The following SPAG16 variants were observed in gnomAD, a reference collection of about 807,000 sequenced individuals.
SPAG16 encodes the protein sperm associated antigen 16, also known as sperm-associated antigen 16 protein.
In SPAG16, 86 loss-of-function variants were observed where a neutral mutation model predicts 80.4. The observed-to-expected ratio is 1.07, with a 90% confidence interval of 0.90 to 1.28. SPAG16 has a LOEUF of 1.28. Among genes scored for constraint, SPAG16 ranks in the 50% most tolerant of loss-of-function variants. SPAG16 has a pLI of 0.00. For missense variants in SPAG16, 870 were observed against 765.3 expected (o/e 1.14, Z -1.61); for synonymous variants, 294 against 265.9 (o/e 1.11, Z -1.03).
At chr2:213,620,281 GTTTTTTTTTTTTT>G (rs36059669) in intron 10 of SPAG16, among the ~76,000 whole-genome samples, 14 of 82,802 alleles carry the variant, frequency 1.7e-4, no homozygotes, top group East Asian at 3.7e-4. Context: ...AATTTATTGA[GTTTTTTTTTTTTT>G]TTTTTTTTTT....
chr2:214,083,150 T>C (rs2051495286), intron 13 of SPAG16, among the ~76,000 whole-genome samples: 1 of 152,200 alleles, frequency 6.6e-6, no homozygotes, highest in African/African-American at 2.4e-5. Context: ...AAGGAGGGTT[T>C]ATTCTGAATT....
intron 10 of SPAG16, among the ~76,000 whole-genome samples, chr2:213,824,051 A>G (rs979991785): frequency 2.6e-5 from 4 of 152,152 alleles, no homozygotes; most frequent in Non-Finnish European, 5.9e-5. Flanking sequence ...TTTGGGTTTT[A>G]CATATAAGTC....
At chr2:214,332,229 T>G (rs1042052363) in intron 15 of SPAG16, among the ~76,000 whole-genome samples, 1 of 152,192 alleles carries the variant, frequency 6.6e-6, no homozygotes, top group African/African-American at 2.4e-5. Flanking sequence ...TCCAGCCTGG[T>G]CAACAGAGTG....
chr2:213,540,345 C>T (rs1022388541), intron 10 of SPAG16, among the ~76,000 whole-genome samples: 3 of 152,082 alleles, frequency 2.0e-5, no homozygotes, highest in African/African-American at 4.8e-5. Context: ...CCACCATGCC[C>T]GGCCCAAAAA....
At chr2:214,024,220 A>G (rs907038944) in intron 13 of SPAG16, among the ~76,000 whole-genome samples, 1 of 151,768 alleles carries the variant, frequency 6.6e-6, no homozygotes, top group East Asian at 1.9e-4. Context: ...AAAAGAAAAT[A>G]CCAGATACAA....
At chr2:214,311,695 C>CA (rs1695335261) in intron 15 of SPAG16, 1 of 152,186 alleles carries the variant, frequency 6.6e-6, no homozygotes, top group Non-Finnish European at 1.5e-5. Context: ...CCACTTGGGT[C>CA]ATGATTATTC....
intron 15 of SPAG16, among the ~76,000 whole-genome samples, chr2:214,188,928 C>A (rs767568414): frequency 6.6e-6 from 1 of 152,030 alleles, no homozygotes; most frequent in Non-Finnish European, 1.5e-5. Flanking sequence ...CAAGGTGTGT[C>A]AGTCTGGGTG....
At chr2:214,312,930 G>T (rs1483944533) in intron 15 of SPAG16, among the ~76,000 whole-genome samples, 2 of 151,880 alleles carry the variant, frequency 1.3e-5, no homozygotes, top group African/African-American at 4.8e-5. Flanking sequence ...TCAAGTTAGG[G>T]TTATCACTGT....
intron 10 of SPAG16, among the ~76,000 whole-genome samples, chr2:213,674,447 A>C (rs1405717474): frequency 6.6e-6 from 1 of 151,482 alleles, no homozygotes; most frequent in African/African-American, 2.4e-5. Context: ...GGTTAGGTAC[A>C]TATGTATACC....
intron 15 of SPAG16, among the ~76,000 whole-genome samples, chr2:214,322,111 C>T (rs1038886272): frequency 6.6e-6 from 1 of 152,180 alleles, no homozygotes; most frequent in Non-Finnish European, 1.5e-5. Flanking sequence ...GGACATATTT[C>T]TATCCATGCT....
chr2:213,626,867 C>T (rs7569223), intron 10 of SPAG16, among the ~76,000 whole-genome samples: 9,279 of 151,990 alleles, frequency 0.061, 930 homozygotes, highest in African/African-American at 0.21. Flanking sequence ...AGGCTGGTCT[C>T]GAACTCCTGA....
intron 10 of SPAG16, among the ~76,000 whole-genome samples, chr2:213,837,724 A>C (rs1447564153): frequency 1.3e-5 from 2 of 152,196 alleles, no homozygotes; most frequent in Non-Finnish European, 2.9e-5. Context: ...CACTTGGTAG[A>C]TGCGATTAAG....
intron 10 of SPAG16, among the ~76,000 whole-genome samples, chr2:213,854,858 G>T (rs2075076299): frequency 6.6e-6 from 1 of 152,242 alleles, no homozygotes; most frequent in Non-Finnish European, 1.5e-5. Flanking sequence ...TGGCCCACAG[G>T]CCAAACCTAG....
chr2:214,054,685 T>A (rs1243237652), intron 13 of SPAG16, among the ~76,000 whole-genome samples: 3 of 152,172 alleles, frequency 2.0e-5, no homozygotes, highest in Non-Finnish European at 4.4e-5. Context: ...AGAATCCATA[T>A]CTCTAAATCA....
intron 3 of SPAG16, among the ~76,000 whole-genome samples, chr2:213,299,880 T>C (rs563405195): frequency 6.6e-6 from 1 of 152,126 alleles, no homozygotes; most frequent in African/African-American, 2.4e-5. Context: ...GGATTATATA[T>C]ATGTTCGTTA....
chr2:214,192,974 G>A (rs990987929), intron 15 of SPAG16, among the ~76,000 whole-genome samples: 8 of 152,062 alleles, frequency 5.3e-5, no homozygotes, highest in Non-Finnish European at 1.2e-4. Flanking sequence ...AGGGACAGAA[G>A]CCAAGTGACG....
chr2:213,946,200 TGCCTCCCG>T (rs1338444656), intron 12 of SPAG16, among the ~76,000 whole-genome samples: 1 of 152,148 alleles, frequency 6.6e-6, no homozygotes, highest in Non-Finnish European at 1.5e-5. Context: ...CTGCAACCTC[TGCCTCCCG>T]GGTTCAAGCA....
chr2:214,287,919 G>A (rs1233176235), intron 15 of SPAG16, among the ~76,000 whole-genome samples: 1 of 152,136 alleles, frequency 6.6e-6, no homozygotes, highest in Non-Finnish European at 1.5e-5. Flanking sequence ...CTATGTGTTA[G>A]TAACACGTCA....
intron 12 of SPAG16, among the ~76,000 whole-genome samples, chr2:213,964,895 G>C (rs1304274336): frequency 1.3e-5 from 2 of 151,622 alleles, no homozygotes; most frequent in African/African-American, 4.9e-5. Context: ...TCATACCTTT[G>C]TTTAATTATT....
Sources: allele counts gnomAD v4.1 joint callset (sites outside exome capture counted in the v4.1 genomes callset), GRCh38; gene constraint gnomAD v4.1.1; transcripts MANE v1.5; gene names NCBI Gene and HGNC (gene_info 2026-07-23, HGNC 2026-07-21).